The following LRP1B variants were observed in gnomAD, a reference collection of about 807,000 sequenced individuals.
LRP1B encodes LDL receptor related protein 1B, also known as low-density lipoprotein receptor-related protein 1B.
LRP1B carries 217 observed loss-of-function variants against 556.6 expected under a neutral mutation model. That is an observed-to-expected ratio of 0.39 (90% CI 0.35 to 0.44). LRP1B has a LOEUF of 0.44. Among genes scored for constraint, LRP1B ranks in the 20% least tolerant of loss-of-function variants. LRP1B has a pLI of 1.00. For missense variants in LRP1B, 5,053 were observed against 5,620.8 expected, an observed-to-expected ratio of 0.90 and a Z score of 3.23; for synonymous variants, 2,047 against 1,865.8, an observed-to-expected ratio of 1.10 and a Z score of -2.50.
intron 2 of LRP1B, among the ~76,000 whole-genome samples, chr2:141,535,432 G>A (rs1325341937): frequency 6.6e-6 from 1 of 151,824 alleles, no homozygotes; most frequent in Non-Finnish European, 1.5e-5. Flanking sequence ...TTACTGTTGT[G>A]TAAACATGTT....
At chr2:141,252,972 G>T (rs1040188781) in intron 4 of LRP1B, among the ~76,000 whole-genome samples, 6 of 152,048 alleles carry the variant, frequency 3.9e-5, no homozygotes, top group Non-Finnish European at 8.8e-5. Flanking sequence ...TTGTTTTTAC[G>T]TGCTTAATTA....
At chr2:141,696,875 A>G (rs1691748748) in intron 2 of LRP1B, among the ~76,000 whole-genome samples, 1 of 151,982 alleles carries the variant, frequency 6.6e-6, no homozygotes, top group Non-Finnish European at 1.5e-5. Context: ...CCACCTGGCA[A>G]TGAGCAATAG....
At chr2:141,093,678 G>C (rs890765612) in intron 7 of LRP1B, among the ~76,000 whole-genome samples, 1 of 151,846 alleles carries the variant, frequency 6.6e-6, no homozygotes, top group African/African-American at 2.4e-5. Flanking sequence ...TAAGAGAGCT[G>C]AGGGTGTGAG....
At chr2:142,087,733 T>C (rs975329877) in intron 1 of LRP1B, among the ~76,000 whole-genome samples, 1 of 152,002 alleles carries the variant, frequency 6.6e-6, no homozygotes, top group Admixed American at 6.5e-5. Context: ...GCTAGATCTT[T>C]TGTAAATACC....
chr2:140,251,507 T>C (rs1681413873), intron 86 of LRP1B, among the ~76,000 whole-genome samples: 1 of 151,898 alleles, frequency 6.6e-6, no homozygotes, highest in Admixed American at 6.6e-5. Flanking sequence ...CTGCTCTTTC[T>C]TTTCATCAAA....
At chr2:140,974,568 T>C (rs1174309271) in intron 18 of LRP1B, among the ~76,000 whole-genome samples, 3 of 152,114 alleles carry the variant, frequency 2.0e-5, no homozygotes, top group African/African-American at 7.2e-5. Flanking sequence ...TACTAGTAGG[T>C]GTGTACAAAC....
chr2:140,792,334 A>T (rs1387413641), intron 32 of LRP1B, among the ~76,000 whole-genome samples: 2 of 152,152 alleles, frequency 1.3e-5, no homozygotes, highest in Non-Finnish European at 2.9e-5. Context: ...AGGGTAGAGG[A>T]AAAGTTTTCC....
chr2:141,962,980 A>G (rs909465856), intron 1 of LRP1B, among the ~76,000 whole-genome samples: 3 of 151,886 alleles, frequency 2.0e-5, no homozygotes, highest in African/African-American at 7.2e-5. Flanking sequence ...ACTGTGCAAC[A>G]AAAGGATTCA....
At chr2:141,914,828 C>T (rs150499658) in intron 1 of LRP1B, among the ~76,000 whole-genome samples, 46 of 152,202 alleles carry the variant, frequency 3.0e-4, no homozygotes, top group Non-Finnish European at 4.6e-4. Flanking sequence ...AACTACAAAA[C>T]ACTGGTGAAA....
chr2:140,942,474 A>G (rs1264105835), intron 20 of LRP1B, among the ~76,000 whole-genome samples: 1 of 152,180 alleles, frequency 6.6e-6, no homozygotes, highest in Admixed American at 6.6e-5. Flanking sequence ...GATCATCTTC[A>G]AAACACATAG....
chr2:141,100,325 A>G (rs1391086605), intron 7 of LRP1B, among the ~76,000 whole-genome samples: 2 of 152,220 alleles, frequency 1.3e-5, no homozygotes, highest in African/African-American at 4.8e-5. Flanking sequence ...CCTTGAAATT[A>G]GAAAATGGAG....
chr2:140,639,816 G>C (rs555844876), intron 41 of LRP1B, among the ~76,000 whole-genome samples: 1 of 152,068 alleles, frequency 6.6e-6, no homozygotes, highest in Non-Finnish European at 1.5e-5. Flanking sequence ...TCGCCGTTCT[G>C]ACCTAATCAA....
At chr2:140,766,955 C>T (rs904110574) in intron 35 of LRP1B, among the ~76,000 whole-genome samples, 7 of 150,460 alleles carry the variant, frequency 4.7e-5, no homozygotes, top group African/African-American at 1.7e-4. Context: ...CAACATATAT[C>T]AGGCACTTTA....
chr2:140,363,625 A>C (rs975564239), intron 72 of LRP1B, among the ~76,000 whole-genome samples: 3 of 151,542 alleles, frequency 2.0e-5, no homozygotes, highest in Non-Finnish European at 4.4e-5. Context: ...TGAAGCTGAA[A>C]CTTAGTTGCA....
At chr2:141,538,145 G>A (rs1685128216) in intron 2 of LRP1B, among the ~76,000 whole-genome samples, 2 of 152,102 alleles carry the variant, frequency 1.3e-5, no homozygotes, top group African/African-American at 4.8e-5. Flanking sequence ...GGATCCTGAT[G>A]TCTTTGTGCA....
At chr2:141,513,354 AT>A (rs1156713635) in intron 2 of LRP1B, among the ~76,000 whole-genome samples, 3 of 152,008 alleles carry the variant, frequency 2.0e-5, no homozygotes, top group South Asian at 2.1e-4. Context: ...TTTAATTTCA[AT>A]TTTTTTCTAA....
intron 7 of LRP1B, among the ~76,000 whole-genome samples, chr2:141,181,066 A>G (rs143923387): frequency 0.015 from 2,232 of 152,044 alleles, 23 homozygotes; most frequent in Middle Eastern, 0.041. Flanking sequence ...GTTAATGGTA[A>G]AAATTGTCTA....
intron 1 of LRP1B, among the ~76,000 whole-genome samples, chr2:141,954,212 T>C (rs1365693658): frequency 6.6e-6 from 1 of 152,122 alleles, no homozygotes; most frequent in African/African-American, 2.4e-5. Context: ...TGGAGTCCTA[T>C]AGAAATGGCC....
Position 141,519,405 on chromosome 2 carries a change from A to ATATATATATATAT in LRP1B, c.206-38873_206-38872insATATATATATATA, listed in dbSNP as rs1559118227. ...TATATATATATATATATATATATGA[A>ATATATATATATAT]ATGCAATATTTATTGAATTTAGTTT... On this transcript the variant is annotated intron_variant, in intron 2 of 90. Coordinates refer to ENST00000389484, the MANE Select transcript of LRP1B (RefSeq NM_018557.3). Among the ~76,000 whole-genome samples the ATATATATATATAT allele has an allele frequency of 1.6e-3, 40 of 25,682 alleles. 1 individual carries two copies. Among genetic ancestry groups the ATATATATATATAT allele is most frequent in the Non-Finnish European group, 1.8e-3 (22 of 12,206 alleles). The allele number at this position is 25,682 out of a possible 152,430, so 16.8% of individuals were successfully genotyped here. A position where few individuals can be genotyped will look rare whatever the true frequency, so the allele number is the denominator to read the frequency against.
Sources: gnomAD v4.1 joint callset for allele counts (sites outside exome capture counted in the v4.1 genomes callset) on GRCh38, gnomAD v4.1.1 for gene constraint, MANE v1.5 for transcripts, NCBI Gene and HGNC (gene_info 2026-07-23, HGNC 2026-07-21) for gene names.